Variants in COL4A3 observed in about 807,000 individuals in gnomAD.
The protein encoded by COL4A3 is collagen type IV alpha 3 chain, also known as collagen alpha-3(IV) chain.
In COL4A3, 135 loss-of-function variants were observed where a neutral mutation model predicts 217.4. That is an observed-to-expected ratio of 0.62 (90% CI 0.54 to 0.72). The LOEUF (loss-of-function observed/expected upper bound fraction) is 0.72, where lower values mean the gene tolerates loss of function less well. Among genes scored for constraint, COL4A3 ranks in the 30% least tolerant of loss-of-function variants. The pLI, the probability that COL4A3 is intolerant of heterozygous loss-of-function variation, is 0.00. For missense variants in COL4A3, 1,868 were observed against 2,119.9 expected, an observed-to-expected ratio of 0.88 and a Z score of 2.33; for synonymous variants, 690 against 736.3, an observed-to-expected ratio of 0.94 and a Z score of 1.02.
rs562549257 is a variant in COL4A3, at chr2:227,184,395, A to G, written c.87+19582A>G. 1.1e-3 allele frequency among the ~76,000 whole-genome samples: 173 copies of G among 152,352 alleles called. 1 individual carries two copies. Among genetic ancestry groups the G allele is most frequent in the African/African-American group, 3.7e-3 (154 of 41,584 alleles). The stretch of plus-strand genomic sequence containing the variant: ...CCCTGGTAAAATTAAGATTGACTCA[A>G]TCAGTCTCTAAAAGAAATGATAACT... On this transcript the variant is annotated intron_variant, in intron 1 of 51. Coordinates refer to ENST00000396578, the MANE Select transcript of COL4A3 (RefSeq NM_000091.5).
At chr2:227,280,640 T>C (rs1053023576) in intron 30 of COL4A3, 50 bp downstream of exon 30, 5 of 1,592,588 alleles carry the variant, frequency 3.1e-6, no homozygotes, top group Admixed American at 1.7e-5. Context: ...TCTGCTAAAA[T>C]GCAGCAAACT....
Position 227,284,143 on chromosome 2 carries a change from C to A in COL4A3, c.2747-68C>A, listed in dbSNP as rs1212769278. The A allele has an allele frequency of 3.1e-6, 5 of 1,604,796 alleles. No homozygotes were observed. The East Asian group carries it at 8.9e-5, about 29-fold the overall frequency. On this transcript the variant is annotated intron_variant, in intron 33 of 51. Coordinates refer to ENST00000396578, the MANE Select transcript of COL4A3 (RefSeq NM_000091.5). ...TTGTTCTGTTTTATAGTAAGCACTG[C>A]CAACTTTTTAATCCCTATGAACTAC...
intron 22 of COL4A3, 92 bp from the exon 23 acceptor site, chr2:227,266,901 A>G (rs958851441): frequency 2.6e-5 from 22 of 840,102 alleles, no homozygotes; most frequent in Middle Eastern, 2.2e-4. Flanking sequence ...AAATGTTTAA[A>G]TGTAATAAAT....
chr2:227,255,996 T>G, intron 15 of COL4A3, 30 bp from the exon 16 acceptor site: 2 of 1,610,384 alleles, frequency 1.2e-6, no homozygotes, highest in Non-Finnish European at 1.7e-6. Flanking sequence ...ATTTATTACA[T>G]TTCATGTTTT....
rs193125112 is a variant in COL4A3 at position 227,209,991 on chromosome 2, T to C, written c.88-27977T>C. Among the ~76,000 whole-genome samples the C allele has an allele frequency of 2.6e-3, 397 of 152,366 alleles. 3 individuals carry two copies. Among genetic ancestry groups the C allele is most frequent in the Middle Eastern group, 6.8e-3 (2 of 294 alleles). On this transcript the variant is annotated intron_variant, in intron 1 of 51. Coordinates refer to ENST00000396578, the MANE Select transcript of COL4A3 (RefSeq NM_000091.5). Reference sequence around the variant, plus strand: ...ATGTTAGGCAAGTTGCTTAGCTTTCTTGTCTGTAAATTGGGAATAATAATA... The same window carrying C: ...ATGTTAGGCAAGTTGCTTAGCTTTCCTGTCTGTAAATTGGGAATAATAATA...
intron 35 of COL4A3, among the ~76,000 whole-genome samples, chr2:227,289,530 A>G (rs779698298): frequency 4.0e-4 from 61 of 152,378 alleles, no homozygotes; most frequent in South Asian, 8.3e-4. Flanking sequence ...ATCACATATC[A>G]GAGATGAAAA....
chr2:227,287,923 A>G (rs2072436670), intron 34 of COL4A3, among the ~76,000 whole-genome samples: 1 of 152,226 alleles, frequency 6.6e-6, no homozygotes, highest in Non-Finnish European at 1.5e-5. Flanking sequence ...CCTATTTATT[A>G]ATTAGATGCT....
intron 1 of COL4A3, among the ~76,000 whole-genome samples, chr2:227,188,948 C>T (rs1240624297): frequency 2.0e-5 from 3 of 152,020 alleles, no homozygotes; most frequent in South Asian, 2.1e-4. Context: ...GAATGCCTGC[C>T]GAAGGAGCAT....
rs764889706 is a variant in COL4A3, at chr2:227,314,165, A to T, written c.*2295A>T. 1 of 152,600 alleles carries T rather than the reference A, an allele frequency of 6.6e-6. No individual in the cohort carries two copies. Among genetic ancestry groups the T allele is most frequent in the Non-Finnish European group, 1.5e-5 (1 of 68,024 alleles). The allele number at this position is 152,600 out of a possible 1,614,324, so 9.5% of individuals were successfully genotyped here. A position where few individuals can be genotyped will look rare whatever the true frequency, so the allele number is the denominator to read the frequency against. On this transcript the variant is annotated 3_prime_UTR_variant, in exon 52 of 52. Transcript: ENST00000396578. ...ACTTTTACTCATAAGTAAAAGCCCT[A>T]GACTGGTGCTAATGTCAAACCACTG...
intron 42 of COL4A3, 106 bp downstream of exon 42, chr2:227,297,965 G>A (rs1204094598): frequency 3.1e-6 from 4 of 1,291,552 alleles, no homozygotes; most frequent in Non-Finnish European, 4.4e-6. Context: ...CTTTCCCTGT[G>A]GTCATCTCCA....
intron 41 of COL4A3, among the ~76,000 whole-genome samples, chr2:227,295,531 T>C (rs2106238255): frequency 6.6e-6 from 1 of 152,372 alleles, no homozygotes; most frequent in East Asian, 1.9e-4. Context: ...AATTTTGGAA[T>C]TTCCTACTAA....
At chr2:227,303,744 G>C in intron 44 of COL4A3, 115 bp from the exon 45 acceptor site, 3 of 1,028,238 alleles carry the variant, frequency 2.9e-6, no homozygotes, top group Non-Finnish European at 4.5e-6. Flanking sequence ...GAACCCATAG[G>C]ACAGAGCCTC....
At position 227,220,136 on chromosome 2, in the gene COL4A3, A is replaced by ATGTGTGTGTGTGTGTG. The variant is rs35199710; in HGVS notation, c.88-17818_88-17803dup. ...GCTTCTTGTTTAATAAGGCGGTTTTATGTGTGTGTGTGTGTGTGTGTGTGT... is the reference window on the plus strand; with the variant it reads ...GCTTCTTGTTTAATAAGGCGGTTTTATGTGTGTGTGTGTGTGTGTGTGTGTGTGTGTGTGTGTGTGT... On this transcript the variant is annotated intron_variant, in intron 1 of 51. Transcript: ENST00000396578. 4.6e-4 allele frequency among the ~76,000 whole-genome samples: 58 copies of ATGTGTGTGTGTGTGTG among 127,150 alleles called. 1 individual carries two copies. The highest frequency in any genetic ancestry group is 2.5e-3 in the South Asian group (10 of 3,966). The allele number at this position is 127,150 out of a possible 152,430, so 83.4% of individuals were successfully genotyped here.
rs2069641187 is a variant in COL4A3, at chr2:227,250,116, C to T, written c.547-1024C>T. ...TCACTTGAGGTCAGGAGTTTGAGAC[C>T]AGCCTGGCCAACACGCTGAAACTCC... On this transcript the variant is annotated intron_variant, in intron 9 of 51. Transcript: ENST00000396578. This position sits in a 1 kb window ranked among gnomAD's most constrained non-coding sequence, Gnocchi z 4.1. Among the ~76,000 whole-genome samples, 2 of 152,064 alleles carry T rather than the reference C, an allele frequency of 1.3e-5. No homozygotes were observed. Among genetic ancestry groups the T allele is most frequent in the African/African-American group, 4.8e-5 (2 of 41,390 alleles).
At chr2:227,204,800 T>C (rs2067037293) in intron 1 of COL4A3, among the ~76,000 whole-genome samples, 1 of 152,224 alleles carries the variant, frequency 6.6e-6, no homozygotes, top group Admixed American at 6.5e-5. Context: ...ATCTGGATCC[T>C]CAGAACAAAA....
intron 35 of COL4A3, 133 bp from the exon 36 acceptor site, chr2:227,289,866 C>A: frequency 1.3e-6 from 1 of 787,800 alleles, no homozygotes; most frequent in Non-Finnish European, 2.2e-6. Flanking sequence ...GGAAAAAGGA[C>A]AGCTAGACAA....
Position 227,191,038 on chromosome 2 carries a change from AT to A in COL4A3, c.87+26226del, listed in dbSNP as rs2066219609. 6.6e-6 allele frequency among the ~76,000 whole-genome samples: 1 copy of A among 152,188 alleles called. No individual in the cohort carries two copies. The highest frequency in any genetic ancestry group is 2.4e-5 in the African/African-American group (1 of 41,422). On this transcript the variant is annotated intron_variant, in intron 1 of 51. Coordinates refer to ENST00000396578, the MANE Select transcript of COL4A3 (RefSeq NM_000091.5). The surrounding 1 kb of genome is among the most constrained non-coding windows in gnomAD (Gnocchi z 6.8). ...TATTATGTATAGAATTTTTTAAAAA[AT>A]AGATGCAAAGGTTATTATATATGAA...
chr2:227,170,966 C>A (rs550888859), intron 1 of COL4A3, among the ~76,000 whole-genome samples: 2 of 152,228 alleles, frequency 1.3e-5, no homozygotes, highest in South Asian at 4.1e-4. Flanking sequence ...ACTATTTAAC[C>A]ATCCTTGTAT....
At chr2:227,200,323 C>A (rs1262343541) in intron 1 of COL4A3, among the ~76,000 whole-genome samples, 1 of 152,028 alleles carries the variant, frequency 6.6e-6, no homozygotes, top group Non-Finnish European at 1.5e-5. Context: ...TTCCTGGGTG[C>A]CAGCAACCCA....
Sources: gnomAD v4.1 joint callset for allele counts (sites outside exome capture counted in the v4.1 genomes callset) on GRCh38, gnomAD v4.1.1 for gene constraint, Gnocchi (gnomAD v3.1) non-coding constraint, MANE v1.5 for transcripts, NCBI Gene and HGNC (gene_info 2026-07-23, HGNC 2026-07-21) for gene names.